CDKL5: variants seen among roughly 807,000 people sequenced by gnomAD.
CDKL5 encodes cyclin-dependent kinase-like 5.
Under a neutral mutation model 61.7 loss-of-function variants are expected in CDKL5, and 8 were observed. The ratio of observed to expected loss-of-function variants is 0.13; its 90% confidence interval spans 0.08 to 0.23. The LOEUF (loss-of-function observed/expected upper bound fraction) is 0.23, where lower values mean the gene tolerates loss of function less well. Among genes scored for constraint, CDKL5 ranks in the 10% least tolerant of loss-of-function variants. The pLI, the probability that CDKL5 is intolerant of heterozygous loss-of-function variation, is 1.00. For missense variants in CDKL5, 440 were observed against 734.5 expected, an observed-to-expected ratio of 0.60 and a Z score of 4.63; for synonymous variants, 275 against 272.3, an observed-to-expected ratio of 1.01 and a Z score of -0.10.
intron 16 of CDKL5, chrX:18,623,818 GT>G (rs748917235): frequency 1.5e-6 from 1 of 656,128 alleles, no homozygotes; most frequent in African/African-American, 2.5e-5. Flanking sequence ...AGGGCTAGTA[GT>G]TTCAATAAGA....
intron 3 of CDKL5, among the ~76,000 whole-genome samples, chrX:18,519,206 T>A (rs1923158891): frequency 8.9e-6 from 1 of 111,874 alleles, no homozygotes; most frequent in Admixed American, 9.5e-5. Flanking sequence ...ATAAATAAAG[T>A]TTTGTTGGAA....
chrX:18,651,634 C>G (rs1391578630), intron 21 of CDKL5, among the ~76,000 whole-genome samples: 6 of 111,327 alleles, frequency 5.4e-5, no homozygotes, highest in South Asian at 3.8e-4. Context: ...CCAGCCTGCC[C>G]TCGCAAGCTC....
At chrX:18,453,790 A>T (rs1246473831) in intron 1 of CDKL5, among the ~76,000 whole-genome samples, 1 of 111,795 alleles carries the variant, frequency 8.9e-6, no homozygotes, top group Non-Finnish European at 1.9e-5. Flanking sequence ...TAAATTGCTT[A>T]GCCTTGGATT....
Position 18,603,851 on chromosome X carries a change from GTGTGTCAGC to G in CDKL5, c.978-49_978-41del, listed in dbSNP as rs267608554. On this transcript the variant is annotated intron_variant, in intron 11 of 17. Coordinates refer to ENST00000623535, the MANE Select transcript of CDKL5 (RefSeq NM_001323289.2). ...TTCTTTCTTTTTAACAATACTTTTT[GTGTGTCAGC>G]TATTGAGGGAAACTGATATACTTCT... 72 of 1,180,915 alleles carry G rather than the reference GTGTGTCAGC, an allele frequency of 6.1e-5. No individual in the cohort carries two copies. Among genetic ancestry groups the G allele is most frequent in the Non-Finnish European group, 7.8e-5 (68 of 868,933 alleles).
intron 2 of CDKL5, among the ~76,000 whole-genome samples, chrX:18,507,527 C>G (rs1362099623): frequency 1.0e-5 from 1 of 99,250 alleles, no homozygotes; most frequent in East Asian, 3.1e-4. Flanking sequence ...TTTATATCAG[C>G]TAGGCTTATT....
intron 14 of CDKL5, among the ~76,000 whole-genome samples, chrX:18,611,758 T>C (rs1419836311): frequency 2.7e-5 from 3 of 111,975 alleles, no homozygotes; most frequent in Middle Eastern, 4.7e-3. Flanking sequence ...TAGTGAGAGC[T>C]TGGCAGGTGG....
chrX:18,431,061 ACCATGTTGG>A (rs1458593960), intron 1 of CDKL5, among the ~76,000 whole-genome samples: 2 of 108,132 alleles, frequency 1.8e-5, no homozygotes, highest in Non-Finnish European at 3.8e-5. Flanking sequence ...ACGGGGTTTC[ACCATGTTGG>A]CCAAGTGGTC....
chrX:18,440,129 C>T (rs1931705110), intron 1 of CDKL5, among the ~76,000 whole-genome samples: 1 of 111,044 alleles, frequency 9.0e-6, no homozygotes, highest in Admixed American at 9.7e-5. Context: ...TTGACTGTTC[C>T]TTTCATTGTA....
At chrX:18,465,292 A>G (rs4367697) in intron 1 of CDKL5, among the ~76,000 whole-genome samples, 10,690 of 111,280 alleles carry the variant, frequency 0.096, 1,018 homozygotes, top group African/African-American at 0.29. Context: ...AATATGTCCT[A>G]ATCCAGAGAG....
chrX:18,489,499 C>G (rs1276078890), intron 1 of CDKL5, among the ~76,000 whole-genome samples: 1 of 110,722 alleles, frequency 9.0e-6, no homozygotes, highest in Non-Finnish European at 1.9e-5. Context: ...CAATCTGTTC[C>G]ATAGGAAGCC....
intron 1 of CDKL5, among the ~76,000 whole-genome samples, chrX:18,485,524 A>G (rs1214496574): frequency 1.8e-5 from 2 of 112,266 alleles, no homozygotes; most frequent in African/African-American, 6.5e-5. Context: ...AATTTCAACA[A>G]ATTGAGTCTC....
intron 20 of CDKL5, chrX:18,647,615 T>A: frequency 5.8e-6 from 2 of 344,746 alleles, no homozygotes; most frequent in Admixed American, 4.7e-5. Flanking sequence ...GTGTGTGGAA[T>A]TTTGAGAAAT....
At chrX:18,524,502 C>A (rs1923360981) in intron 3 of CDKL5, among the ~76,000 whole-genome samples, 1 of 112,165 alleles carries the variant, frequency 8.9e-6, no homozygotes, top group Admixed American at 9.4e-5. Flanking sequence ...ATTTTCAGTG[C>A]TAACACTCTC....
chrX:18,638,538 A>G lies in CDKL5; in HGVS notation c.*9781A>G, dbSNP rs1336949064. 1 of 112,526 alleles carries G rather than the reference A, an allele frequency of 8.9e-6. No individual in the cohort carries two copies. The highest frequency in any genetic ancestry group is 2.8e-4 in the East Asian group (1 of 3,617). The allele number at this position is 112,526 out of a possible 1,213,427, so 9.3% of individuals were successfully genotyped here. The stretch of plus-strand genomic sequence containing the variant: ...TCTATTAGGCTTCAGATTTCCCTCA[A>G]TAAAAGTTTTAGTTTTTATACATTC... On this transcript the variant is annotated 3_prime_UTR_variant, in exon 18 of 18. Transcript: ENST00000623535.
intron 3 of CDKL5, among the ~76,000 whole-genome samples, chrX:18,511,846 GT>G (rs1454552449): frequency 8.9e-6 from 1 of 111,997 alleles, no homozygotes; most frequent in East Asian, 2.8e-4. Flanking sequence ...TGAGCAAAGA[GT>G]TTTTTTAAAA....
intron 1 of CDKL5, among the ~76,000 whole-genome samples, chrX:18,472,506 A>G (rs976221985): frequency 2.7e-5 from 3 of 111,985 alleles, no homozygotes; most frequent in Non-Finnish European, 3.8e-5. Flanking sequence ...CAAGCATGCC[A>G]TAAGACATTG....
intron 4 of CDKL5, among the ~76,000 whole-genome samples, chrX:18,569,934 A>G (rs1252285141): frequency 2.7e-5 from 3 of 111,421 alleles, no homozygotes; most frequent in Non-Finnish European, 1.9e-5. Flanking sequence ...TGCATTTCGT[A>G]TTCTGCTGAA....
Position 18,473,179 on chromosome X carries a change from G to A in CDKL5, c.-162-33756G>A, listed in dbSNP as rs1921166658. ...TCACAATGTTGGACAGGCTGATCTC[G>A]AGCTCCTGACTTGAAGTGATCCATC... is the stretch of plus-strand genomic sequence containing the variant. On this transcript the variant is annotated intron_variant, in intron 1 of 17. Coordinates refer to ENST00000623535, the MANE Select transcript of CDKL5 (RefSeq NM_001323289.2). 2.7e-5 allele frequency among the ~76,000 whole-genome samples: 3 copies of A among 109,457 alleles called. No homozygotes were observed. In the Admixed American group the frequency reaches 3.0e-4, roughly 11 times the overall value.
intron 1 of CDKL5, among the ~76,000 whole-genome samples, chrX:18,430,063 G>C (rs1931449695): frequency 8.9e-6 from 1 of 112,042 alleles, no homozygotes; most frequent in African/African-American, 3.2e-5. Flanking sequence ...ATGGGGGACT[G>C]AACTCAGATC....
Sources: allele counts gnomAD v4.1 joint callset (sites outside exome capture counted in the v4.1 genomes callset), GRCh38; gene constraint gnomAD v4.1.1; transcripts MANE v1.5; gene names NCBI Gene and HGNC (gene_info 2026-07-23, HGNC 2026-07-21).